VIT: variants seen among roughly 807,000 people sequenced by gnomAD.
VIT encodes vitrin.
VIT carries 99 observed loss-of-function variants against 78.0 expected under a neutral mutation model. That is an observed-to-expected ratio of 1.27 (90% CI 1.08 to 1.50). The LOEUF (loss-of-function observed/expected upper bound fraction) is 1.50, where lower values mean the gene tolerates loss of function less well. Among genes scored for constraint, VIT ranks in the 40% most tolerant of loss-of-function variants. The pLI is 0.00. For synonymous variants in VIT, 374 were observed against 334.3 expected (o/e 1.12, Z -1.29); for missense variants, 1,126 against 875.3 (o/e 1.29, Z -3.61).
At chr2:36,730,895 G>A (rs550891016) in intron 3 of VIT, among the ~76,000 whole-genome samples, 2 of 152,156 alleles carry the variant, frequency 1.3e-5, no homozygotes, top group Non-Finnish European at 2.9e-5. Context: ...TGGTTTGCGA[G>A]TATGCAAAAA....
At chr2:36,772,007 C>G (rs1315944624) in intron 7 of VIT, among the ~76,000 whole-genome samples, 1 of 152,134 alleles carries the variant, frequency 6.6e-6, no homozygotes, top group African/African-American at 2.4e-5. Flanking sequence ...GAATTGTATA[C>G]CAGTAACTGC....
chr2:36,771,705 T>C (rs547927957), intron 7 of VIT, among the ~76,000 whole-genome samples: 2 of 152,254 alleles, frequency 1.3e-5, no homozygotes, highest in South Asian at 2.1e-4. Context: ...TCCAGGAATA[T>C]ATCCTAAGGT....
intron 6 of VIT, among the ~76,000 whole-genome samples, chr2:36,761,338 C>T (rs1250557831): frequency 1.3e-5 from 2 of 152,050 alleles, no homozygotes; most frequent in Non-Finnish European, 2.9e-5. Flanking sequence ...TTTTCGGGTC[C>T]TTTCCTTCTG....
intron 9 of VIT, 71 bp from the exon 10 acceptor site, chr2:36,781,656 C>G: frequency 6.5e-7 from 1 of 1,545,386 alleles, no homozygotes; most frequent in Non-Finnish European, 8.9e-7. Context: ...ATCATCCCGG[C>G]AATTCACTCA....
intron 1 of VIT, among the ~76,000 whole-genome samples, chr2:36,704,149 G>T (rs28414039): frequency 5.3e-5 from 8 of 151,788 alleles, no homozygotes; most frequent in African/African-American, 1.9e-4. Context: ...TGGTCTCGAA[G>T]TCCTGACCTC....
intron 6 of VIT, chr2:36,759,621 G>C: frequency 1.0e-6 from 1 of 1,001,418 alleles, no homozygotes. Context: ...ATGCATTATT[G>C]TATCTCCAGA....
At chr2:36,797,254 A>T (rs1292492806) in intron 12 of VIT, among the ~76,000 whole-genome samples, 1 of 152,238 alleles carries the variant, frequency 6.6e-6, no homozygotes, top group African/African-American at 2.4e-5. Flanking sequence ...ACGTCTTGGA[A>T]GAGGCATTAT....
intron 15 of VIT, among the ~76,000 whole-genome samples, chr2:36,811,180 C>T (rs937889291): frequency 1.3e-5 from 2 of 152,128 alleles, no homozygotes; most frequent in Admixed American, 6.5e-5. Context: ...CCACCAGGCT[C>T]ATATCAGCAG....
At chr2:36,777,493 A>C (rs1432214874) in intron 9 of VIT, among the ~76,000 whole-genome samples, 1 of 152,178 alleles carries the variant, frequency 6.6e-6, no homozygotes, top group East Asian at 1.9e-4. Context: ...CAGTGCTGCC[A>C]GGGTAGTGTG....
chr2:36,734,902 G>A (rs1558525600), intron 3 of VIT, among the ~76,000 whole-genome samples: 1 of 152,146 alleles, frequency 6.6e-6, no homozygotes, highest in Non-Finnish European at 1.5e-5. Flanking sequence ...GGCTGGGCAC[G>A]CCTATAATCC....
At chr2:36,707,815 C>T (rs1176311051) in intron 1 of VIT, among the ~76,000 whole-genome samples, 1 of 151,208 alleles carries the variant, frequency 6.6e-6, no homozygotes, top group African/African-American at 2.4e-5. Context: ...TTTCCCCTGC[C>T]TTCCTTACCT....
At chr2:36,703,905 TG>T in intron 1 of VIT, among the ~76,000 whole-genome samples, 1 of 121,874 alleles carries the variant, frequency 8.2e-6, no homozygotes, top group South Asian at 2.6e-4. Flanking sequence ...TTTGTTTGTT[TG>T]GGGTTTTTTT....
intron 4 of VIT, among the ~76,000 whole-genome samples, chr2:36,744,760 A>G (rs765821542): frequency 4.6e-5 from 7 of 151,846 alleles, no homozygotes; most frequent in Non-Finnish European, 8.8e-5. Flanking sequence ...CTCTCTTTCT[A>G]TAGGTTTTCT....
At chr2:36,783,300 T>C (rs1664882941) in intron 10 of VIT, 40 bp from the exon 11 acceptor site, 1 of 1,610,822 alleles carries the variant, frequency 6.2e-7, no homozygotes, top group Non-Finnish European at 8.5e-7. Context: ...AGCTGCTTCC[T>C]TTCCTTGTAA....
intron 11 of VIT, among the ~76,000 whole-genome samples, chr2:36,785,880 C>T (rs982180534): frequency 1.3e-5 from 2 of 152,218 alleles, no homozygotes; most frequent in Admixed American, 6.5e-5. Flanking sequence ...AAATATTTCT[C>T]ATCAATTCTT....
At chr2:36,719,289 T>C (rs2148457530) in intron 2 of VIT, among the ~76,000 whole-genome samples, 1 of 152,274 alleles carries the variant, frequency 6.6e-6, no homozygotes, top group Non-Finnish European at 1.5e-5. Context: ...GAGACAAGGA[T>C]GCCTACTCTT....
At chr2:36,735,471 C>G (rs949918467) in intron 3 of VIT, among the ~76,000 whole-genome samples, 2 of 152,248 alleles carry the variant, frequency 1.3e-5, no homozygotes, top group Admixed American at 6.5e-5. Context: ...TCCTCCCTCT[C>G]TGCTCCAGCA....
intron 12 of VIT, among the ~76,000 whole-genome samples, chr2:36,792,870 C>T (rs965129636): frequency 3.9e-5 from 6 of 152,064 alleles, no homozygotes; most frequent in African/African-American, 1.2e-4. Context: ...ATTTATTTTC[C>T]TTCTTTCATC....
At chr2:36,807,977 G>A (rs1666852686) in intron 14 of VIT, among the ~76,000 whole-genome samples, 1 of 152,202 alleles carries the variant, frequency 6.6e-6, no homozygotes, top group East Asian at 1.9e-4. Flanking sequence ...CTAACATGTG[G>A]TCATTCAGCA....
Sources: allele counts gnomAD v4.1 joint callset (sites outside exome capture counted in the v4.1 genomes callset), GRCh38; gene constraint gnomAD v4.1.1; transcripts MANE v1.5; gene names NCBI Gene and HGNC (gene_info 2026-07-23, HGNC 2026-07-21).